The following DNAH12 variants were observed in gnomAD, a reference collection of about 807,000 sequenced individuals.
DNAH12 encodes dynein axonemal heavy chain 12.
DNAH12 carries 285 observed loss-of-function variants against 371.5 expected under a neutral mutation model. The observed-to-expected ratio is 0.77, with a 90% CI of 0.70 to 0.85. The LOEUF (loss-of-function observed/expected upper bound fraction) is 0.85, where lower values mean the gene tolerates loss of function less well. Ranked by LOEUF, DNAH12 falls within the 40% of genes least tolerant of loss-of-function variation. The pLI is 0.00. For synonymous variants in DNAH12, 1,200 were observed against 1,213.0 expected, an observed-to-expected ratio of 0.99 and a Z score of 0.22; for missense variants, 3,611 against 3,689.4, an observed-to-expected ratio of 0.98 and a Z score of 0.55.
chr3:57,524,304 T>C (rs183638404), intron 2 of DNAH12, among the ~76,000 whole-genome samples: 4 of 152,308 alleles, frequency 2.6e-5, no homozygotes, highest in Non-Finnish European at 5.9e-5. Flanking sequence ...CATCGTTTGA[T>C]ATAGAATATT....
chr3:57,350,572 T>G (rs1373545579), intron 60 of DNAH12, among the ~76,000 whole-genome samples: 1 of 152,140 alleles, frequency 6.6e-6, no homozygotes, highest in Non-Finnish European at 1.5e-5. Flanking sequence ...TAATAAAGCT[T>G]CCAGATGGTT....
At chr3:57,468,592 G>T in intron 17 of DNAH12, 144 bp downstream of exon 17, 1 of 469,980 alleles carries the variant, frequency 2.1e-6, no homozygotes, top group Non-Finnish European at 3.2e-6. Flanking sequence ...GGGAAATAGA[G>T]CAAGACCCTG....
At position 57,493,121 on chromosome 3, in the gene DNAH12, G is replaced by A. The variant is rs142723707; in HGVS notation, c.1336-3434C>T. ...ACCCAGACCACAAAAAATTTAGTTG[G>A]TAATTCATAGAACATTTATTGTGTC... On this transcript the variant is annotated intron_variant, in intron 11 of 73. Coordinates refer to ENST00000495027, the MANE Select transcript of DNAH12 (RefSeq NM_001366028.2). 4.1e-3 allele frequency among the ~76,000 whole-genome samples: 628 copies of A among 152,240 alleles called. 2 individuals are homozygous for A. The highest frequency in any genetic ancestry group is 4.6e-3 in the Non-Finnish European group (313 of 68,024).
intron 66 of DNAH12, among the ~76,000 whole-genome samples, chr3:57,312,345 G>A (rs1053683322): frequency 2.6e-5 from 4 of 152,130 alleles, no homozygotes; most frequent in Admixed American, 6.5e-5. Flanking sequence ...GTGTTCAACT[G>A]GGTTCCTTCC....
At chr3:57,505,652 G>A (rs2067730519) in intron 8 of DNAH12, among the ~76,000 whole-genome samples, 1 of 152,042 alleles carries the variant, frequency 6.6e-6, no homozygotes, top group Non-Finnish European at 1.5e-5. Flanking sequence ...TGTTGGCCAG[G>A]CTGGTCTCGA....
chr3:57,405,740 C>T lies in DNAH12; in HGVS notation c.6489G>A (p.Leu2163=), dbSNP rs946566463. 1 of 1,551,516 alleles carries T rather than the reference C, an allele frequency of 6.4e-7. No homozygotes were observed. The highest frequency in any genetic ancestry group is 1.4e-5 in the African/African-American group (1 of 73,018). ...RLINDDDRRW[L]FQLTKTVIKD... is the part of the protein sequence containing the mutation. ...TTATAACAGTTTTAGTTAACTGGAACAGCCATCTTCGATCATCATCATTAA... is the reference window on the plus strand; with the variant it reads ...TTATAACAGTTTTAGTTAACTGGAATAGCCATCTTCGATCATCATCATTAA... Residue 2163 remains leucine (L), a synonymous_variant, in exon 41 of 74, where the codon CTG becomes CTA. Transcript: ENST00000495027.
At chr3:57,530,329 C>T in intron 2 of DNAH12, 1 of 421,348 alleles carries the variant, frequency 2.4e-6, no homozygotes. Flanking sequence ...TAAGCAAATA[C>T]AGAAAGGATG....
In DNAH12 at chr3:57,468,715, T is replaced by C. The variant is rs755874904; in HGVS notation, c.2349+21A>G. 13 of 1,298,906 alleles carry C rather than the reference T, an allele frequency of 1.0e-5. No homozygotes were observed. The South Asian group carries it at 2.9e-4, about 29-fold the overall frequency. 80.5% of individuals were successfully genotyped at this position (1,298,906 alleles called of 1,614,324 possible). Reference sequence around the variant, plus strand: ...TGAGAAGATAGCTATAATATTAAAATGTTATTATATATATTTATACCTTAA... The same window carrying C: ...TGAGAAGATAGCTATAATATTAAAACGTTATTATATATATTTATACCTTAA... On this transcript the variant is annotated intron_variant, in intron 17 of 73. Transcript: ENST00000495027.
Position 57,453,342 on chromosome 3 carries a change from C to T in DNAH12, c.3518G>A (p.Arg1173Lys), listed in dbSNP as rs1433595789. 6.4e-7 allele frequency: 1 copy of T among 1,551,294 alleles called. No individual in the cohort carries two copies. Among genetic ancestry groups the T allele is most frequent in the Admixed American group, 2.0e-5 (1 of 50,976 alleles). ...CCTGGTCTGCTTAGACAACTTTCCTCTTACCAGCTCTACAATCTCATTCAG... is the reference window on the plus strand; with the variant it reads ...CCTGGTCTGCTTAGACAACTTTCCTTTTACCAGCTCTACAATCTCATTCAG... ...NQLNEIVELV[R>K]GKLSKQTRTT... Residue 1173 changes from arginine (R) to lysine (K), a missense_variant, in exon 24 of 74, where the codon AGA (arginine) becomes AAA (lysine). Physicochemically the swap from Arg to Lys is conservative, Grantham distance 26. This residue lies in a region of DNAH12 where 1,314 missense variants were observed against 1,398.7 expected (regional missense o/e 0.94). Transcript: ENST00000495027.
At chr3:57,327,743 A>G (rs1407127157) in intron 62 of DNAH12, among the ~76,000 whole-genome samples, 1 of 152,076 alleles carries the variant, frequency 6.6e-6, no homozygotes, top group African/African-American at 2.4e-5. Flanking sequence ...GACACAAAAA[A>G]CCCTTCAAAA....
At chr3:57,476,429 T>C (rs2066526481) in intron 13 of DNAH12, among the ~76,000 whole-genome samples, 1 of 152,080 alleles carries the variant, frequency 6.6e-6, no homozygotes, top group Non-Finnish European at 1.5e-5. Flanking sequence ...CCAGGCGTGG[T>C]GGCGGGTGCC....
At chr3:57,388,158 C>T (rs1254707543) in intron 45 of DNAH12, among the ~76,000 whole-genome samples, 4 of 152,154 alleles carry the variant, frequency 2.6e-5, no homozygotes, top group African/African-American at 7.2e-5. Context: ...AGTCTTTGGA[C>T]GTGCTTTTCC....
intron 62 of DNAH12, among the ~76,000 whole-genome samples, chr3:57,326,494 C>T (rs1356600725): frequency 2.0e-5 from 3 of 152,130 alleles, no homozygotes; most frequent in Non-Finnish European, 4.4e-5. Context: ...AAACACTTTA[C>T]AGACAAACAA....
chr3:57,417,851 T>C (rs532008396), intron 37 of DNAH12, among the ~76,000 whole-genome samples: 1 of 152,180 alleles, frequency 6.6e-6, no homozygotes, highest in Admixed American at 6.5e-5. Context: ...TGTATTTCGA[T>C]ATAAAAAGAA....
chr3:57,452,571 CA>C (rs546034775), intron 25 of DNAH12, among the ~76,000 whole-genome samples: 7 of 152,310 alleles, frequency 4.6e-5, no homozygotes, highest in Middle Eastern at 6.8e-3. Context: ...TCCAAAGCTC[CA>C]GTTTTCTCAT....
chr3:57,322,962 G>A, intron 64 of DNAH12, 45 bp downstream of exon 64: 1 of 1,535,886 alleles, frequency 6.5e-7, no homozygotes, highest in East Asian at 2.5e-5. Context: ...AAGATATACA[G>A]ATAGCTAAGT....
chr3:57,393,826 C>T (rs1044258942), intron 44 of DNAH12, among the ~76,000 whole-genome samples: 5 of 151,890 alleles, frequency 3.3e-5, no homozygotes, highest in African/African-American at 1.2e-4. Context: ...GTGTAAACCA[C>T]AAAGACTAAT....
At chr3:57,548,237 A>G (rs73082485), upstream of DNAH12, among the ~76,000 whole-genome samples, 1,309 of 152,320 alleles carry the variant, frequency 8.6e-3, 14 homozygotes, top group South Asian at 0.05. Flanking sequence ...TATAAATGTA[A>G]TGCAAAGGTT....
chr3:57,366,708 A>C (rs1251894684), intron 57 of DNAH12, 21 bp downstream of exon 57: 6 of 152,252 alleles, frequency 3.9e-5, no homozygotes, highest in African/African-American at 1.4e-4. Flanking sequence ...ACCATCTAGA[A>C]GCATCTAAGA....
Sources: allele counts gnomAD v4.1 joint callset (sites outside exome capture counted in the v4.1 genomes callset), GRCh38; gene constraint gnomAD v4.1.1; regional missense constraint gnomAD v4.1.1; transcripts MANE v1.5; gene names NCBI Gene and HGNC (gene_info 2026-07-23, HGNC 2026-07-21).